ARHGAP26: variants seen among roughly 807,000 people sequenced by gnomAD.
The protein encoded by ARHGAP26 is rho GTPase-activating protein 26.
ARHGAP26 carries 38 observed loss-of-function variants against 104.8 expected under a neutral mutation model. The ratio of observed to expected loss-of-function variants is 0.36; its 90% CI spans 0.28 to 0.48. The LOEUF (loss-of-function observed/expected upper bound fraction) is 0.48. Ranked by LOEUF, ARHGAP26 falls within the 20% of genes least tolerant of loss-of-function variation. The probability of loss-of-function intolerance (pLI) is 0.99; values close to 1 mark genes in which losing one functional copy is unlikely to be tolerated. For synonymous variants in ARHGAP26, 341 were observed against 340.0 expected, an observed-to-expected ratio of 1.00 and a Z score of -0.03; for missense variants, 704 against 947.9, an observed-to-expected ratio of 0.74 and a Z score of 3.38.
At chr5:142,849,434 C>G (rs916900726) in intron 1 of ARHGAP26, among the ~76,000 whole-genome samples, 1 of 152,212 alleles carries the variant, frequency 6.6e-6, no homozygotes, top group Non-Finnish European at 1.5e-5. Context: ...TTCAAACAGC[C>G]GCCGTGAGAT....
At chr5:142,909,317 C>T (rs1761529447) in intron 9 of ARHGAP26, among the ~76,000 whole-genome samples, 1 of 152,188 alleles carries the variant, frequency 6.6e-6, no homozygotes, top group Non-Finnish European at 1.5e-5. Flanking sequence ...CATTCCACTT[C>T]GGTCCTCTCT....
At chr5:143,104,039 G>A (rs1793652580) in intron 17 of ARHGAP26, among the ~76,000 whole-genome samples, 1 of 149,580 alleles carries the variant, frequency 6.7e-6, no homozygotes, top group Middle Eastern at 3.4e-3. Context: ...AAAAAAAAAA[G>A]AGAGAAATGA....
intron 12 of ARHGAP26, among the ~76,000 whole-genome samples, chr5:143,028,886 C>T (rs1781452720): frequency 6.6e-6 from 1 of 152,142 alleles, no homozygotes; most frequent in East Asian, 1.9e-4. Context: ...AGGGATGGTG[C>T]ATGGGGGTCC....
Position 143,222,864 on chromosome 5 carries a change from A to G in ARHGAP26, c.*418A>G. ...GGTGAAGAAATTGGCGCTGAGATCC[A>G]GGCTGGATCCATTGCTTTTGTTTAC... On this transcript the variant is annotated 3_prime_UTR_variant, in exon 23 of 23. Coordinates refer to ENST00000645722, the MANE Select transcript of ARHGAP26 (RefSeq NM_001135608.3). 1 of 234,596 alleles carries G rather than the reference A, an allele frequency of 4.3e-6. No individual in the cohort carries two copies. The highest frequency in any genetic ancestry group is 8.4e-6 in the Non-Finnish European group (1 of 118,926). The allele number at this position is 234,596 out of a possible 1,614,324, so 14.5% of individuals were successfully genotyped here.
At chr5:143,026,843 A>G (rs1781132407) in intron 12 of ARHGAP26, among the ~76,000 whole-genome samples, 1 of 151,988 alleles carries the variant, frequency 6.6e-6, no homozygotes, top group Admixed American at 6.6e-5. Context: ...CAGCTGGGAG[A>G]CTGCTGCAGG....
At chr5:142,831,432 G>C (rs1264380983) in intron 1 of ARHGAP26, among the ~76,000 whole-genome samples, 1 of 151,878 alleles carries the variant, frequency 6.6e-6, no homozygotes, top group Non-Finnish European at 1.5e-5. Context: ...TCTGTGCTCA[G>C]TTCATTTAGG....
intron 6 of ARHGAP26, among the ~76,000 whole-genome samples, chr5:142,898,238 A>G (rs981471951): frequency 6.6e-6 from 1 of 152,104 alleles, no homozygotes; most frequent in African/African-American, 2.4e-5. Context: ...GTGCATATAT[A>G]TATGTATATG....
intron 22 of ARHGAP26, among the ~76,000 whole-genome samples, chr5:143,216,984 G>A (rs948112121): frequency 7.9e-5 from 12 of 152,258 alleles, no homozygotes; most frequent in East Asian, 1.9e-4. Context: ...TCTGTCAGGC[G>A]GTGGGTGGGG....
intron 17 of ARHGAP26, among the ~76,000 whole-genome samples, chr5:143,077,427 C>A (rs1789197113): frequency 6.6e-6 from 1 of 152,118 alleles, no homozygotes; most frequent in Admixed American, 6.5e-5. Flanking sequence ...ATAGAAAACC[C>A]CAGCACCGGT....
rs1020009280 is a variant in ARHGAP26, at chr5:142,871,968, G to A, written c.155-1432G>A. Among the ~76,000 whole-genome samples, 9 of 152,188 alleles carry A rather than the reference G, an allele frequency of 5.9e-5. No homozygotes were observed. The highest frequency in any genetic ancestry group is 3.2e-3 in the Middle Eastern group (1 of 316). ...TATCTCGGGACCGTGTCATCACAGC[G>A]TGTGGGAGGGCAGTCCAGGAGCAGG... On this transcript the variant is annotated intron_variant, in intron 1 of 22. Coordinates refer to ENST00000645722, the MANE Select transcript of ARHGAP26 (RefSeq NM_001135608.3). This position sits in a 1 kb window ranked among gnomAD's most constrained non-coding sequence, Gnocchi z 4.1.
chr5:143,014,910 T>C (rs1779376153), intron 12 of ARHGAP26, among the ~76,000 whole-genome samples: 1 of 152,240 alleles, frequency 6.6e-6, no homozygotes, highest in African/African-American at 2.4e-5. Flanking sequence ...AAGGTTGCCC[T>C]ACTGTGAATT....
intron 11 of ARHGAP26, among the ~76,000 whole-genome samples, chr5:142,991,053 C>T (rs1230981013): frequency 1.3e-5 from 2 of 152,204 alleles, no homozygotes; most frequent in Non-Finnish European, 2.9e-5. Context: ...TATTCCCTGC[C>T]CCCAGAGGTG....
chr5:142,995,824 A>G (rs1169519211), intron 11 of ARHGAP26, among the ~76,000 whole-genome samples: 3 of 152,246 alleles, frequency 2.0e-5, no homozygotes, highest in South Asian at 2.1e-4. Context: ...ATGGAATACT[A>G]TGCAGCCATA....
intron 1 of ARHGAP26, among the ~76,000 whole-genome samples, chr5:142,851,955 A>C (rs1185596112): frequency 6.6e-6 from 1 of 152,230 alleles, no homozygotes; most frequent in South Asian, 2.1e-4. Flanking sequence ...ATAGGCACAC[A>C]GTCCCTCCCC....
At chr5:143,113,780 T>A (rs1795061861) in intron 17 of ARHGAP26, among the ~76,000 whole-genome samples, 1 of 152,236 alleles carries the variant, frequency 6.6e-6, no homozygotes, top group Admixed American at 6.5e-5. Flanking sequence ...GTGAAGTGAA[T>A]GAGGGAGAGG....
chr5:142,952,901 G>T (rs1768614959), intron 11 of ARHGAP26, among the ~76,000 whole-genome samples: 1 of 151,948 alleles, frequency 6.6e-6, no homozygotes, highest in Admixed American at 6.6e-5. Context: ...AGTAGAGATG[G>T]GGTTTCACCA....
intron 11 of ARHGAP26, among the ~76,000 whole-genome samples, chr5:142,988,329 T>C (rs1047334385): frequency 7.9e-5 from 12 of 152,248 alleles, no homozygotes; most frequent in Non-Finnish European, 1.5e-4. Context: ...GTGGGATTGG[T>C]GGTGATATCC....
intron 1 of ARHGAP26, among the ~76,000 whole-genome samples, chr5:142,845,122 C>T (rs1771673606): frequency 6.6e-6 from 1 of 152,158 alleles, no homozygotes; most frequent in Admixed American, 6.5e-5. Flanking sequence ...TTGAGGGAGG[C>T]TGCTACGAGA....
chr5:143,086,509 A>C (rs2150488300), intron 17 of ARHGAP26, among the ~76,000 whole-genome samples: 1 of 152,332 alleles, frequency 6.6e-6, no homozygotes, highest in Non-Finnish European at 1.5e-5. Flanking sequence ...TTTTGCCAGC[A>C]TACTTGTTTG....
Sources: allele counts gnomAD v4.1 joint callset (sites outside exome capture counted in the v4.1 genomes callset), GRCh38; gene constraint gnomAD v4.1.1; non-coding constraint Gnocchi (gnomAD v3.1); transcripts MANE v1.5; gene names NCBI Gene and HGNC (gene_info 2026-07-23, HGNC 2026-07-21).